Variants in FGF10 observed in about 807,000 individuals in gnomAD.
FGF10 encodes FGF-10.
FGF10 carries 2 observed loss-of-function variants against 19.8 expected under a neutral mutation model. That is an observed-to-expected ratio of 0.10 (90% CI 0.04 to 0.32). The LOEUF is 0.32. Ranked by LOEUF, FGF10 falls within the 10% of genes least tolerant of loss-of-function variation. FGF10 has a pLI of 1.00. For synonymous variants in FGF10, 112 were observed against 94.0 expected, an observed-to-expected ratio of 1.19 and a Z score of -1.10; for missense variants, 191 against 246.3, an observed-to-expected ratio of 0.78 and a Z score of 1.50.
At chr5:44,356,234 C>CTCT (rs775851448) in intron 1 of FGF10, among the ~76,000 whole-genome samples, 5 of 151,360 alleles carry the variant, frequency 3.3e-5, no homozygotes, top group African/African-American at 2.4e-5. Context: ...TATCTAAAGG[C>CTCT]TCTTACACTC....
intron 1 of FGF10, among the ~76,000 whole-genome samples, chr5:44,376,524 A>AAAAAAAAAAAAAT (rs1741868780): frequency 6.9e-6 from 1 of 145,414 alleles, no homozygotes; most frequent in Non-Finnish European, 1.5e-5. Flanking sequence ...AAAACAAAAA[A>AAAAAAAAAAAAAT]CCCACAACTA....
chr5:44,362,254 C>T (rs1452014104), intron 1 of FGF10, among the ~76,000 whole-genome samples: 1 of 151,680 alleles, frequency 6.6e-6, no homozygotes, highest in Non-Finnish European at 1.5e-5. Context: ...ACAATGTCCC[C>T]AATGTCTTGG....
chr5:44,355,510 T>A (rs1287360074), intron 1 of FGF10, among the ~76,000 whole-genome samples: 1 of 150,996 alleles, frequency 6.6e-6, no homozygotes, highest in Non-Finnish European at 1.5e-5. Context: ...CTATGCAATA[T>A]ATATTTACAA....
At chr5:44,324,308 A>G in intron 1 of FGF10, among the ~76,000 whole-genome samples, 2 of 152,268 alleles carry the variant, frequency 1.3e-5, no homozygotes, top group South Asian at 4.1e-4. Context: ...ATTAAAATAT[A>G]TATCCAAGCC....
intron 1 of FGF10, among the ~76,000 whole-genome samples, chr5:44,346,853 G>A (rs187991256): frequency 7.9e-4 from 120 of 151,860 alleles, no homozygotes; most frequent in African/African-American, 2.8e-3. Flanking sequence ...TTCTTTTACT[G>A]TGTCAACTAA....
At chr5:44,317,890 G>A (rs148625546) in intron 1 of FGF10, among the ~76,000 whole-genome samples, 10 of 152,194 alleles carry the variant, frequency 6.6e-5, no homozygotes, top group African/African-American at 1.9e-4. Context: ...CAAATGACAC[G>A]TGTCTAGGAC....
At chr5:44,358,161 G>A (rs770269586) in intron 1 of FGF10, among the ~76,000 whole-genome samples, 1 of 151,520 alleles carries the variant, frequency 6.6e-6, no homozygotes, top group Non-Finnish European at 1.5e-5. Context: ...CATGGCAGAA[G>A]TTCCAACAGA....
intron 1 of FGF10, among the ~76,000 whole-genome samples, chr5:44,380,846 A>T (rs1164379233): frequency 6.6e-6 from 1 of 152,088 alleles, no homozygotes; most frequent in African/African-American, 2.4e-5. Flanking sequence ...TCAGCAAATT[A>T]TCCAGGCAGG....
At chr5:44,319,503 T>G (rs975216859) in intron 1 of FGF10, among the ~76,000 whole-genome samples, 1 of 152,166 alleles carries the variant, frequency 6.6e-6, no homozygotes, top group Non-Finnish European at 1.5e-5. Flanking sequence ...GTTCACAAAT[T>G]TGCTAATCAT....
intron 1 of FGF10, among the ~76,000 whole-genome samples, chr5:44,354,361 T>A (rs991680467): frequency 6.6e-6 from 1 of 151,556 alleles, no homozygotes; most frequent in Non-Finnish European, 1.5e-5. Flanking sequence ...AAAGTGCTTA[T>A]TAAATCATTA....
At chr5:44,322,179 C>T (rs1405879415) in intron 1 of FGF10, among the ~76,000 whole-genome samples, 6 of 152,150 alleles carry the variant, frequency 3.9e-5, no homozygotes, top group African/African-American at 1.4e-4. Flanking sequence ...CCACTGGCAG[C>T]ACATTTCAGT....
At chr5:44,379,348 A>T (rs1741938444) in intron 1 of FGF10, among the ~76,000 whole-genome samples, 2 of 152,226 alleles carry the variant, frequency 1.3e-5, no homozygotes, top group African/African-American at 2.4e-5. Flanking sequence ...CAAATTTCAG[A>T]TGAATGAATC....
intron 1 of FGF10, among the ~76,000 whole-genome samples, chr5:44,319,474 T>C (rs533938135): frequency 1.3e-5 from 2 of 152,266 alleles, no homozygotes; most frequent in South Asian, 4.1e-4. Context: ...AGAAAAAGTC[T>C]TACTTGATGC....
rs551227801 is a variant in FGF10, at chr5:44,378,576, C to T, written c.325+9782G>A. 2.2e-4 allele frequency among the ~76,000 whole-genome samples: 33 copies of T among 152,160 alleles called. 1 individual carries two copies. In the South Asian group the frequency reaches 5.6e-3, roughly 26 times the overall value. ...CCTCCCCAGTAGCTGGGACCACAGGCGCCCGCCACCGCGCCCGGCTAATTT... is the reference window on the plus strand; with the variant it reads ...CCTCCCCAGTAGCTGGGACCACAGGTGCCCGCCACCGCGCCCGGCTAATTT... On this transcript the variant is annotated intron_variant, in intron 1 of 2. Transcript: ENST00000264664.
chr5:44,341,807 C>T (rs950055917), intron 1 of FGF10, among the ~76,000 whole-genome samples: 1 of 151,942 alleles, frequency 6.6e-6, no homozygotes, highest in East Asian at 1.9e-4. Context: ...CAGAGCTGAA[C>T]CAGGTCTGCC....
At chr5:44,305,725 G>C (rs1740061365) in intron 2 of FGF10, among the ~76,000 whole-genome samples, 1 of 151,992 alleles carries the variant, frequency 6.6e-6, no homozygotes, top group Admixed American at 6.6e-5. Flanking sequence ...ATAACCAAAA[G>C]GGGGGGATGT....
At chr5:44,320,893 T>C (rs1001285260) in intron 1 of FGF10, among the ~76,000 whole-genome samples, 2 of 151,992 alleles carry the variant, frequency 1.3e-5, no homozygotes, top group Non-Finnish European at 2.9e-5. Context: ...GTATTTTTTG[T>C]ATATATGGGG....
intron 1 of FGF10, among the ~76,000 whole-genome samples, chr5:44,357,048 A>C (rs1004049691): frequency 6.6e-6 from 1 of 151,404 alleles, no homozygotes; most frequent in African/African-American, 2.4e-5. Context: ...ATTACAAAAA[A>C]AATATGTATG....
chr5:44,370,925 AGAT>A (rs1741728224), intron 1 of FGF10, among the ~76,000 whole-genome samples: 1 of 152,140 alleles, frequency 6.6e-6, no homozygotes, highest in Non-Finnish European at 1.5e-5. Flanking sequence ...GAGAGAAGAT[AGAT>A]GATAAAAGAT....
Sources: gnomAD v4.1 joint callset for allele counts (sites outside exome capture counted in the v4.1 genomes callset) on GRCh38, gnomAD v4.1.1 for gene constraint, MANE v1.5 for transcripts, NCBI Gene and HGNC (gene_info 2026-07-23, HGNC 2026-07-21) for gene names.